Variants in RPS14 observed in about 807,000 individuals in gnomAD.
RPS14 encodes the protein ribosomal protein S14, also known as small ribosomal subunit protein uS11.
A neutral mutation model predicts 15.4 loss-of-function variants in RPS14; 1 was observed. That is an observed-to-expected ratio of 0.07 (90% CI 0.02 to 0.31). RPS14 has a LOEUF of 0.31. Ranked by LOEUF, RPS14 falls within the 10% of genes least tolerant of loss-of-function variation. The probability of loss-of-function intolerance (pLI) is 1.00; values close to 1 mark genes in which losing one functional copy is unlikely to be tolerated. For missense variants in RPS14, 69 were observed against 205.5 expected, an observed-to-expected ratio of 0.34 and a Z score of 4.06; for synonymous variants, 68 against 74.4, an observed-to-expected ratio of 0.91 and a Z score of 0.44.
intron 4 of RPS14, chr5:150,444,678 A>T: frequency 1.9e-6 from 1 of 533,306 alleles, no homozygotes; most frequent in African/African-American, 1.9e-5. Flanking sequence ...GGTAACTGCA[A>T]CTGTCTCGTT....
rs1380785142 is a variant in RPS14, at chr5:150,446,432, TAC to T, written c.311+368_311+369del. On this transcript the variant is annotated intron_variant, in intron 3 of 4. Transcript: ENST00000407193. This position sits in a 1 kb window ranked among gnomAD's most constrained non-coding sequence, Gnocchi z 4.2. Reference sequence around the variant, plus strand: ...TTATCATTTAGACCCTAGTTTAAATTACACTTTATCACCAACTCCTTACTTGT... The same window carrying T: ...TTATCATTTAGACCCTAGTTTAAATTACTTTATCACCAACTCCTTACTTGT... Among the ~76,000 whole-genome samples, 2 of 152,196 alleles carry T rather than the reference TAC, an allele frequency of 1.3e-5. No homozygotes were observed. The highest frequency in any genetic ancestry group is 4.8e-5 in the African/African-American group (2 of 41,456).
chr5:150,447,149 T>G, intron 2 of RPS14, 186 bp from the exon 3 acceptor site: 2 of 610,104 alleles, frequency 3.3e-6, no homozygotes. Context: ...TAACATTTTA[T>G]ATATCTACTT....
At chr5:150,447,559 G>A (rs1191118023) in intron 2 of RPS14, 26 bp downstream of exon 2, 3 of 1,610,818 alleles carry the variant, frequency 1.9e-6, no homozygotes, top group Middle Eastern at 2.2e-4. Context: ...TTTGCCAGCT[G>A]GATGCCTCTC....
intron 4 of RPS14, among the ~76,000 whole-genome samples, chr5:150,444,977 T>C (rs892523763): frequency 6.6e-6 from 1 of 152,230 alleles, no homozygotes; most frequent in Non-Finnish European, 1.5e-5. Context: ...GAGCTGAGAT[T>C]GTGCCACTGA....
chr5:150,443,952 C>T lies in RPS14; in HGVS notation c.*334G>A, dbSNP rs1771014305. On this transcript the variant is annotated 3_prime_UTR_variant, in exon 5 of 5. Coordinates refer to ENST00000407193, the MANE Select transcript of RPS14 (RefSeq NM_005617.4). ...TATGGCATGGGTCTGGAAGGCTCCT[C>T]TTTCGCTTCAGGCTACACTTGGATC... 1.1e-5 allele frequency: 2 copies of T among 180,384 alleles called. No individual in the cohort carries two copies. Among genetic ancestry groups the T allele is most frequent in the Admixed American group, 6.1e-5 (1 of 16,364 alleles). The allele number at this position is 180,384 out of a possible 1,614,324, so 11.2% of individuals were successfully genotyped here.
chr5:150,448,095 C>T, intron 1 of RPS14: 1 of 201,732 alleles, frequency 5.0e-6, no homozygotes. Context: ...TGTACTGGTA[C>T]CATTCCTAAC....
intron 2 of RPS14, 190 bp downstream of exon 2, chr5:150,447,395 C>T (rs1300478008): frequency 3.1e-6 from 2 of 636,734 alleles, no homozygotes; most frequent in Non-Finnish European, 5.7e-6. Context: ...GCTGTAAGGA[C>T]GAAGAATGTG....
In RPS14 at chr5:150,446,441, T is replaced by C. The variant is rs1045061593; in HGVS notation, c.311+361A>G. ...AGACCCTAGTTTAAATTACACTTTA[T>C]CACCAACTCCTTACTTGTGCTTCCT... On this transcript the variant is annotated intron_variant, in intron 3 of 4. Transcript: ENST00000407193. The surrounding 1 kb of genome is among the most constrained non-coding windows in gnomAD (Gnocchi z 4.2). 6.6e-6 allele frequency among the ~76,000 whole-genome samples: 1 copy of C among 152,190 alleles called. No individual in the cohort carries two copies. Among genetic ancestry groups the C allele is most frequent in the Admixed American group, 6.5e-5 (1 of 15,270 alleles).
intron 2 of RPS14, 131 bp from the exon 3 acceptor site, chr5:150,447,094 TCA>T: frequency 9.5e-7 from 1 of 1,048,102 alleles, no homozygotes; most frequent in Non-Finnish European, 1.4e-6. Flanking sequence ...CTCATGGAGT[TCA>T]GTCCAGTGGG....
intron 4 of RPS14, chr5:150,444,737 G>T: frequency 2.3e-6 from 1 of 442,810 alleles, no homozygotes; most frequent in Non-Finnish European, 4.5e-6. Flanking sequence ...AATCTTTTAA[G>T]GCTGGGCGCG....
rs1250335347 is a variant in RPS14, at chr5:150,446,593, T to C, written c.311+209A>G. ...TGTCTGTTTCCCCATCACTCTCTTCTAGTACCTGAAACACAGCTCCTAGTA... is the reference window on the plus strand; with the variant it reads ...TGTCTGTTTCCCCATCACTCTCTTCCAGTACCTGAAACACAGCTCCTAGTA... On this transcript the variant is annotated intron_variant, in intron 3 of 4. Transcript: ENST00000407193. This position sits in a 1 kb window ranked among gnomAD's most constrained non-coding sequence, Gnocchi z 4.2. Among the ~76,000 whole-genome samples the C allele has an allele frequency of 6.6e-5, 10 of 152,194 alleles. No individual in the cohort carries two copies.
Position 150,449,723 on chromosome 5 carries a change from C to G in RPS14, c.-23G>C, listed in dbSNP as rs1771217935. Reference sequence around the variant, plus strand: ...CCTACCTGCACGTCGTCTCCAGACTCCACACCGGAAAGAGAGAGTGGGAGG... The same window carrying G: ...CCTACCTGCACGTCGTCTCCAGACTGCACACCGGAAAGAGAGAGTGGGAGG... On this transcript the variant is annotated 5_prime_UTR_variant, in exon 1 of 5. Transcript: ENST00000407193. 6.6e-6 allele frequency: 1 copy of G among 152,144 alleles called. No individual in the cohort carries two copies. The highest frequency in any genetic ancestry group is 2.4e-5 in the African/African-American group (1 of 41,282). The allele number at this position is 152,144 out of a possible 1,614,324, so 9.4% of individuals were successfully genotyped here. A position where few individuals can be genotyped will look rare whatever the true frequency, so the allele number is the denominator to read the frequency against.
Position 150,446,831 on chromosome 5 carries a change from G to A in RPS14, c.282C>T (p.His94=), listed in dbSNP as rs1561568188. ...TTCCTCCTGTGGCCCGGAGTTTGAT[G>A]TGTAGGGCGGTGATACCCAGCTCCT... ...RCKELGITAL[H]IKLRATGGNR... Residue 94 remains histidine, a synonymous_variant, in exon 3 of 5, where the codon CAC becomes CAT. Transcript: ENST00000407193. The surrounding 1 kb of genome is among the most constrained non-coding windows in gnomAD (Gnocchi z 4.2). The A allele has an allele frequency of 1.2e-6, 2 of 1,614,152 alleles. No homozygotes were observed. Among genetic ancestry groups the A allele is most frequent in the South Asian group, 2.2e-5 (2 of 91,080 alleles).
intron 2 of RPS14, chr5:150,447,279 C>T (rs567871972): frequency 5.4e-5 from 28 of 522,528 alleles, no homozygotes; most frequent in Non-Finnish European, 8.8e-5. Flanking sequence ...GCTAAATGGC[C>T]GTCGAACCCG....
chr5:150,445,551 C>CT, intron 4 of RPS14, 58 bp downstream of exon 4: 1 of 1,534,594 alleles, frequency 6.5e-7, no homozygotes, highest in Non-Finnish European at 9.0e-7. Context: ...ACAGCACGTG[C>CT]TTTTTGGGGC....
At chr5:150,447,952 G>C in intron 1 of RPS14, 3 of 527,066 alleles carry the variant, frequency 5.7e-6, no homozygotes, top group Middle Eastern at 3.2e-4. Flanking sequence ...ACCATGAGAA[G>C]TATCCTTTCC....
chr5:150,449,357 T>G lies in RPS14; in HGVS notation c.-3+346A>C, dbSNP rs944521546. ...GGGCCTGCGATCACCAAGAAAAAAG[T>G]TTGGCGAGGTAGAGGCGGGAGCCCA... On this transcript the variant is annotated intron_variant, in intron 1 of 4. Coordinates refer to ENST00000407193, the MANE Select transcript of RPS14 (RefSeq NM_005617.4). 16 of 151,736 alleles carry G rather than the reference T, an allele frequency of 1.1e-4. No individual in the cohort carries two copies. The East Asian group carries it at 2.5e-3, about 24-fold the overall frequency. 9.4% of individuals were successfully genotyped at this position (151,736 alleles called of 1,614,324 possible).
Position 150,444,163 on chromosome 5 carries a change from A to G in RPS14, c.*123T>C, listed in dbSNP as rs756196133. On this transcript the variant is annotated 3_prime_UTR_variant, in exon 5 of 5. Coordinates refer to ENST00000407193, the MANE Select transcript of RPS14 (RefSeq NM_005617.4). Reference sequence around the variant, plus strand: ...GCTCTCCTCAGGCTCCTTTCTCCCAAGAAGCCAAATAGGAGGAAGAAATCA... The same window carrying G: ...GCTCTCCTCAGGCTCCTTTCTCCCAGGAAGCCAAATAGGAGGAAGAAATCA... 2 of 1,439,044 alleles carry G rather than the reference A, an allele frequency of 1.4e-6. No homozygotes were observed. Among genetic ancestry groups the G allele is most frequent in the African/African-American group, 2.9e-5 (2 of 68,744 alleles). The allele number at this position is 1,439,044 out of a possible 1,614,324, so 89.1% of individuals were successfully genotyped here.
Position 150,446,716 on chromosome 5 carries a change from A to T in RPS14, c.311+86T>A. On this transcript the variant is annotated intron_variant, in intron 3 of 4. Transcript: ENST00000407193. This position sits in a 1 kb window ranked among gnomAD's most constrained non-coding sequence, Gnocchi z 4.2. ...AAATATCTTGTTCAAGGTCACAACAAAAAACCCAAACCTCAAATCCAGGTG... is the reference window on the plus strand; with the variant it reads ...AAATATCTTGTTCAAGGTCACAACATAAAACCCAAACCTCAAATCCAGGTG... 1 of 1,480,532 alleles carries T rather than the reference A, an allele frequency of 6.8e-7. No homozygotes were observed. The highest frequency in any genetic ancestry group is 2.3e-5 in the East Asian group (1 of 44,130). The allele number at this position is 1,480,532 out of a possible 1,614,324, so 91.7% of individuals were successfully genotyped here. A position where few individuals can be genotyped will look rare whatever the true frequency, so the allele number is the denominator to read the frequency against.
Sources: gnomAD v4.1 joint callset for allele counts (sites outside exome capture counted in the v4.1 genomes callset) on GRCh38, gnomAD v4.1.1 for gene constraint, Gnocchi (gnomAD v3.1) non-coding constraint, MANE v1.5 for transcripts, NCBI Gene and HGNC (gene_info 2026-07-23, HGNC 2026-07-21) for gene names.